ZNF347: variants seen among roughly 807,000 people sequenced by gnomAD.
ZNF347 encodes CTD-2620I22.7.
A neutral mutation model predicts 12.9 loss-of-function variants in ZNF347; 19 were observed. That is an observed-to-expected ratio of 1.47 (90% CI 1.03 to 2.16). The LOEUF is 2.16. ZNF347 is among the 30% of genes most tolerant of loss of function. ZNF347 has a pLI of 0.00. For missense variants in ZNF347, 1,005 were observed against 990.6 expected (o/e 1.01, Z -0.19); for synonymous variants, 328 against 340.6 (o/e 0.96, Z 0.41).
chr19:53,138,570 A>G lies in ZNF347; in HGVS notation c.*1738T>C, dbSNP rs2090399572. ...TAAGAGTATGAAAACTGCACTTTCT[A>G]TGGGATTTTCATTATATCCATATAA... On this transcript the variant is annotated 3_prime_UTR_variant, in exon 5 of 5. Coordinates refer to ENST00000334197, the MANE Select transcript of ZNF347 (RefSeq NM_032584.3). The G allele has an allele frequency of 1.3e-5, 2 of 152,164 alleles. No individual in the cohort carries two copies. The highest frequency in any genetic ancestry group is 3.2e-3 in the Middle Eastern group (1 of 316). 9.4% of individuals were successfully genotyped at this position (152,164 alleles called of 1,614,324 possible). A position where few individuals can be genotyped will look rare whatever the true frequency, so the allele number is the denominator to read the frequency against.
rs2090381304 is a variant in ZNF347, at chr19:53,135,333, TATATATAGAGAG to T, written c.*4963_*4974del. On this transcript the variant is annotated 3_prime_UTR_variant, in exon 5 of 5. Coordinates refer to ENST00000334197, the MANE Select transcript of ZNF347 (RefSeq NM_032584.3). ...ATATATATATATATATATATATATA[TATATATAGAGAG>T]AGAGAGAGAGAGAGAGAGAGAGAAA... 1 of 68,498 alleles carries T rather than the reference TATATATAGAGAG, an allele frequency of 1.5e-5. No homozygotes were observed. Among genetic ancestry groups the T allele is most frequent in the African/African-American group, 6.6e-5 (1 of 15,094 alleles). The allele number at this position is 68,498 out of a possible 1,614,324, so 4.2% of individuals were successfully genotyped here.
At position 53,140,928 on chromosome 19, in the gene ZNF347, A is replaced by G; in HGVS notation, c.1900T>C (p.Phe634Leu). The G allele has an allele frequency of 6.2e-7, 1 of 1,613,468 alleles. No homozygotes were observed. The highest frequency in any genetic ancestry group is 8.5e-7 in the Non-Finnish European group (1 of 1,179,930). The change falls in exon 5 of 5, where the codon TTT (phenylalanine) becomes CTT (leucine). Residue 634 changes from phenylalanine to leucine, a missense_variant. By Grantham distance (22) the Phe-to-Leu change is conservative (BLOSUM62 0). Transcript: ENST00000334197. ...GTAGTTAGGTTTGAATGTTCACTAA[A>G]GGCTTTGCCATACTCATTATACTTG... Reference protein sequence around the residue: ...PYKYNEYGKAFSEHSNLTTHQ... With the variant: ...PYKYNEYGKALSEHSNLTTHQ...
chr19:53,140,511 C>T lies in ZNF347; in HGVS notation c.2317G>A (p.Ala773Thr), dbSNP rs186190814. The change falls in exon 5 of 5, where the codon GCC becomes ACC. Residue 773 changes from alanine to threonine, a missense_variant. Physicochemically the swap from Ala to Thr is moderately conservative, Grantham distance 58. Coordinates refer to ENST00000334197, the MANE Select transcript of ZNF347 (RefSeq NM_032584.3). ...GCAAGTTTTGAAGTTTGACTAAAGG[C>T]TTTGCCACACTCATTACACTTGTAA... ...KPYKCNECGK[A>T]FSQTSKLARH... 22 of 1,613,780 alleles carry T rather than the reference C, an allele frequency of 1.4e-5. No homozygotes were observed. The South Asian group carries it at 1.4e-4, about 10-fold the overall frequency.
chr19:53,157,378 C>T (rs1197646949), intron 1 of ZNF347, among the ~76,000 whole-genome samples: 1 of 152,116 alleles, frequency 6.6e-6, no homozygotes, highest in Non-Finnish European at 1.5e-5. Context: ...GTGTTTCCCT[C>T]CCTCATCCTC....
At chr19:53,151,592 T>C (rs191685091) in intron 2 of ZNF347, among the ~76,000 whole-genome samples, 160 of 143,286 alleles carry the variant, frequency 1.1e-3, no homozygotes, top group African/African-American at 3.7e-3. Context: ...GAAAAGGATC[T>C]AAATGAGCAA....
intron 1 of ZNF347, among the ~76,000 whole-genome samples, chr19:53,158,233 G>A (rs530171399): frequency 6.6e-6 from 1 of 152,282 alleles, no homozygotes; most frequent in South Asian, 2.1e-4. Context: ...GGGGAGGCCT[G>A]GGGAGCAGCA....
chr19:53,153,587 T>C (rs759855169), intron 2 of ZNF347, 146 bp downstream of exon 2: 15 of 1,434,828 alleles, frequency 1.0e-5, no homozygotes, highest in Non-Finnish European at 1.4e-5. Flanking sequence ...CTAAGTGAGA[T>C]GAGAGGGACT....
intron 4 of ZNF347, 44 bp from the exon 5 acceptor site, chr19:53,142,600 C>A (rs149228303): frequency 1.4e-6 from 2 of 1,406,076 alleles, no homozygotes; most frequent in East Asian, 2.5e-5. Flanking sequence ...AATTGTAGTA[C>A]GTAAACAAGT....
chr19:53,147,361 C>G (rs1016692346), intron 4 of ZNF347, among the ~76,000 whole-genome samples: 1 of 151,362 alleles, frequency 6.6e-6, no homozygotes, highest in African/African-American at 2.4e-5. Context: ...GACAAGAGAA[C>G]GAGACTGCAT....
At position 53,159,049 on chromosome 19, in the gene ZNF347, G is replaced by C. The variant is rs1023018592; in HGVS notation, c.-87C>G. ...CCGCACCCAACACGATCCGCTTCCG[G>C]AACTGCAGAAAACTGCGCGTGCGCG... On this transcript the variant is annotated 5_prime_UTR_variant, in exon 1 of 5. Coordinates refer to ENST00000334197, the MANE Select transcript of ZNF347 (RefSeq NM_032584.3). 4.6e-5 allele frequency: 7 copies of C among 152,284 alleles called. No individual in the cohort carries two copies. Among genetic ancestry groups the C allele is most frequent in the African/African-American group, 1.2e-4 (5 of 41,460 alleles). 9.4% of individuals were successfully genotyped at this position (152,284 alleles called of 1,614,324 possible).
intron 1 of ZNF347, among the ~76,000 whole-genome samples, chr19:53,157,918 G>T (rs571641149): frequency 1.1e-4 from 17 of 152,168 alleles, no homozygotes; most frequent in African/African-American, 3.6e-4. Flanking sequence ...TTCTCCTTCT[G>T]CCTTCTCAGC....
chr19:53,149,557 G>A, intron 2 of ZNF347, 190 bp from the exon 3 acceptor site: 4 of 1,207,686 alleles, frequency 3.3e-6, no homozygotes, highest in South Asian at 1.6e-5. Flanking sequence ...GGAGTGATAA[G>A]TGCCTTTGTA....
chr19:53,152,092 CAA>C (rs1186310928), intron 2 of ZNF347, among the ~76,000 whole-genome samples: 4 of 89,832 alleles, frequency 4.5e-5, no homozygotes, highest in African/African-American at 9.2e-5. Flanking sequence ...GACTCTGTCT[CAA>C]AAAAAAAAAA....
In ZNF347 at chr19:53,138,551, T is replaced by G. The variant is rs1235524847; in HGVS notation, c.*1757A>C. ...TGTGGCAGCTTTCAGAGTGTAAGAG[T>G]ATGAAAACTGCACTTTCTATGGGAT... is the stretch of plus-strand genomic sequence containing the variant. On this transcript the variant is annotated 3_prime_UTR_variant, in exon 5 of 5. Transcript: ENST00000334197. 1 of 152,082 alleles carries G rather than the reference T, an allele frequency of 6.6e-6. No individual in the cohort carries two copies. Among genetic ancestry groups the G allele is most frequent in the African/African-American group, 2.4e-5 (1 of 41,404 alleles). The allele number at this position is 152,082 out of a possible 1,614,324, so 9.4% of individuals were successfully genotyped here. A position where few individuals can be genotyped will look rare whatever the true frequency, so the allele number is the denominator to read the frequency against.
At chr19:53,151,534 TAAAA>T (rs34905550) in intron 2 of ZNF347, among the ~76,000 whole-genome samples, 5 of 80,334 alleles carry the variant, frequency 6.2e-5, no homozygotes, top group Non-Finnish European at 1.2e-4. Flanking sequence ...CAAGACTGTC[TAAAA>T]AAAAAAAAAA....
In ZNF347 at chr19:53,142,340, A is replaced by T. The variant is rs2090434636; in HGVS notation, c.488T>A (p.Leu163His). 3 of 1,614,082 alleles carry T rather than the reference A, an allele frequency of 1.9e-6. No individual in the cohort carries two copies. Among genetic ancestry groups the T allele is most frequent in the Non-Finnish European group, 2.5e-6 (3 of 1,180,000 alleles). Residue 163 changes from leucine to histidine, a missense_variant, in exon 5 of 5, where the codon CTC becomes CAC. Coordinates refer to ENST00000334197, the MANE Select transcript of ZNF347 (RefSeq NM_032584.3). The part of the protein sequence containing the change: ...KGVLLTQEGN[L>H]THGRDEHDKR... ...ATCATGTTCATCTCTTCCATGAGTG[A>T]GATTGCCTTCTTGGGTCAAAAGCAC...
At chr19:53,146,835 T>C (rs2090466273) in intron 4 of ZNF347, among the ~76,000 whole-genome samples, 1 of 151,410 alleles carries the variant, frequency 6.6e-6, no homozygotes, top group Non-Finnish European at 1.5e-5. Context: ...ATAGAAAACC[T>C]GAAGACACTA....
At chr19:53,143,219 ATATT>A (rs761824990) in intron 4 of ZNF347, among the ~76,000 whole-genome samples, 24 of 152,116 alleles carry the variant, frequency 1.6e-4, no homozygotes, top group Non-Finnish European at 2.4e-4. Context: ...GGATGTTTTT[ATATT>A]TATTTATTTA....
Position 53,141,209 on chromosome 19 carries a change from G to A in ZNF347, c.1619C>T (p.Pro540Leu), listed in dbSNP as rs2090423383. Reference sequence around the variant, plus strand: ...TTTGCCGCACTCATTACACATATAAGGCTTCACTCCAGTATGAATTCTTTG... The same window carrying A: ...TTTGCCGCACTCATTACACATATAAAGCTTCACTCCAGTATGAATTCTTTG... The part of the protein sequence containing the change: ...NHQRIHTGVK[P>L]YMCNECGKAF... Residue 540 changes from proline (P) to leucine (L), a missense_variant, in exon 5 of 5, where the codon CCT becomes CTT. Transcript: ENST00000334197. The A allele has an allele frequency of 6.2e-7, 1 of 1,608,380 alleles. No homozygotes were observed. Among genetic ancestry groups the A allele is most frequent in the Non-Finnish European group, 8.5e-7 (1 of 1,175,772 alleles).
Sources: gnomAD v4.1 joint callset for allele counts (sites outside exome capture counted in the v4.1 genomes callset) on GRCh38, gnomAD v4.1.1 for gene constraint, MANE v1.5 for transcripts, NCBI Gene and HGNC (gene_info 2026-07-23, HGNC 2026-07-21) for gene names.